Variants in AP5Z1 observed in about 807,000 individuals in gnomAD.
The protein encoded by AP5Z1 is adaptor related protein complex 5 subunit zeta 1, also known as AP-5 complex subunit zeta-1.
In AP5Z1, 106 loss-of-function variants were observed where a neutral mutation model predicts 83.0. That is an observed-to-expected ratio of 1.28 (90% confidence interval 1.09 to 1.50). The LOEUF is 1.50. AP5Z1 is among the 40% of genes most tolerant of loss of function. The pLI is 0.00. For missense variants in AP5Z1, 1,565 were observed against 1,094.2 expected, an observed-to-expected ratio of 1.43 and a Z score of -6.07; for synonymous variants, 751 against 514.1, an observed-to-expected ratio of 1.46 and a Z score of -6.23.
rs1365980715 is a variant in AP5Z1, at chr7:4,786,365, C to G, written c.1248C>G (p.Asp416Glu). The change falls in exon 10 of 17, where the codon GAC becomes GAG. Residue 416 changes from aspartate (D) to glutamate (E), a missense_variant. Physicochemically the swap from Asp to Glu is conservative, Grantham distance 45. Coordinates refer to ENST00000649063, the MANE Select transcript of AP5Z1 (RefSeq NM_014855.3). ...TTGAATTCATCCAGTTCTGCAGGGA[C>G]AACCTCCACCTGTTCAGCGGGCACC... ...LAFEFIQFCR[D>E]NLHLFSGHLS... 1 of 1,613,832 alleles carries G rather than the reference C, an allele frequency of 6.2e-7. No homozygotes were observed. Among genetic ancestry groups the G allele is most frequent in the African/African-American group, 1.3e-5 (1 of 74,930 alleles).
chr7:4,790,761 C>G lies in AP5Z1; in HGVS notation c.2027C>G (p.Ala676Gly), dbSNP rs746807899. ...QINKFFEALE[A>G]LLFEVTQCRP... ...AACAAGTTCTTCGAAGCCCTGGAGG[C>G]TCTGCTATTCGAGGTCACCCAGTGC... Residue 676 changes from alanine (A) to glycine (G), a missense_variant, in exon 16 of 17, where the codon GCT (alanine) becomes GGT (glycine). Physicochemically the swap from Ala to Gly is moderately conservative, Grantham distance 60. Coordinates refer to ENST00000649063, the MANE Select transcript of AP5Z1 (RefSeq NM_014855.3). 3 of 1,609,044 alleles carry G rather than the reference C, an allele frequency of 1.9e-6. No homozygotes were observed. Among genetic ancestry groups the G allele is most frequent in the Non-Finnish European group, 1.7e-6 (2 of 1,178,694 alleles).
Position 4,785,701 on chromosome 7 carries a change from G to T in AP5Z1, c.1132+17G>T. ...TGAGCCACGGTGAGCCCAGGGTGGG[G>T]TGGCGCTGACTCGGGGCTCTGCTTC... On this transcript the variant is annotated intron_variant, in intron 9 of 16. Coordinates refer to ENST00000649063, the MANE Select transcript of AP5Z1 (RefSeq NM_014855.3). 4.0e-6 allele frequency: 6 copies of T among 1,490,636 alleles called. No individual in the cohort carries two copies. Among genetic ancestry groups the T allele is most frequent in the Non-Finnish European group, 5.4e-6 (6 of 1,118,966 alleles). 92.3% of individuals were successfully genotyped at this position (1,490,636 alleles called of 1,614,324 possible).
Position 4,790,610 on chromosome 7 carries a change from T to C in AP5Z1, c.1938+19T>C, listed in dbSNP as rs748375279. ...CAGCGTGGTAAGGCGGGCGCTGGCC[T>C]CCCACAGCCGCTCCTGACCCAGGAG... On this transcript the variant is annotated intron_variant, in intron 15 of 16. Transcript: ENST00000649063. 1 of 1,612,004 alleles carries C rather than the reference T, an allele frequency of 6.2e-7. No individual in the cohort carries two copies.
rs1252273922 is a variant in AP5Z1, at chr7:4,775,656, C to T, written c.-60C>T. The T allele has an allele frequency of 1.4e-5, 23 of 1,600,222 alleles. No individual in the cohort carries two copies. The highest frequency in any genetic ancestry group is 6.7e-5 in the African/African-American group (5 of 74,850). On this transcript the variant is annotated 5_prime_UTR_variant, in exon 1 of 17. Transcript: ENST00000649063. ...CCCGGAAGTTGACCGGGGTGCGGAG[C>T]TCCTGGGCTGCAGCTCCTGGAGTTT...
rs1356623613 is a variant in AP5Z1, at chr7:4,792,123, G to A, written c.*738G>A. On this transcript the variant is annotated 3_prime_UTR_variant, in exon 17 of 17. Transcript: ENST00000649063. ...GGAGCTCAGAACACTGGATTCGCGC[G>A]AAGGGGAGGTGTCTGGGCGTGCGGC... is the stretch of plus-strand genomic sequence containing the variant. 1.3e-5 allele frequency: 2 copies of A among 152,248 alleles called. No homozygotes were observed. Among genetic ancestry groups the A allele is most frequent in the African/African-American group, 4.8e-5 (2 of 41,442 alleles). The allele number at this position is 152,248 out of a possible 1,614,324, so 9.4% of individuals were successfully genotyped here. A position where few individuals can be genotyped will look rare whatever the true frequency, so the allele number is the denominator to read the frequency against.
At position 4,792,938 on chromosome 7, in the gene AP5Z1, C is replaced by T. The variant is rs1781832446; in HGVS notation, c.*1553C>T. 6.3e-6 allele frequency: 1 copy of T among 158,990 alleles called. No homozygotes were observed. Among genetic ancestry groups the T allele is most frequent in the African/African-American group, 2.4e-5 (1 of 41,534 alleles). 9.8% of individuals were successfully genotyped at this position (158,990 alleles called of 1,614,324 possible). ...GCCCCTAGGCTCGGAATGAGTCTCC[C>T]ACTGAGTCCGCAGCTCCCCTCCTGC... On this transcript the variant is annotated 3_prime_UTR_variant, in exon 17 of 17. Transcript: ENST00000649063.
At chr7:4,788,040 C>T in intron 11 of AP5Z1, 114 bp from the exon 12 acceptor site, 1 of 1,415,068 alleles carries the variant, frequency 7.1e-7, no homozygotes, top group Non-Finnish European at 9.3e-7. Context: ...CAAGCCCTTC[C>T]TGGCACCCGA....
chr7:4,779,385 C>T (rs1244788863), intron 1 of AP5Z1, among the ~76,000 whole-genome samples: 1 of 145,524 alleles, frequency 6.9e-6, no homozygotes, highest in Non-Finnish European at 1.5e-5. Context: ...TGTCATATAA[C>T]ATGATTATTA....
At chr7:4,784,138 G>A in intron 5 of AP5Z1, 65 bp from the exon 6 acceptor site, 2 of 1,509,816 alleles carry the variant, frequency 1.3e-6, no homozygotes, top group East Asian at 2.5e-5. Context: ...AGGAGCTTGT[G>A]CTAAAGGCTG....
chr7:4,787,644 G>C lies in AP5Z1; in HGVS notation c.1322G>C (p.Trp441Ser). The C allele has an allele frequency of 6.4e-7, 1 of 1,552,492 alleles. No individual in the cohort carries two copies. Among genetic ancestry groups the C allele is most frequent in the South Asian group, 1.2e-5 (1 of 84,164 alleles). ...SFPNLFKFLA[W>S]NSPPLTSEFV... Reference sequence around the variant, plus strand: ...GTGCTGTGCCCACAGTTCCTGGCCTGGAACAGCCCACCCCTCACCTCCGAG... The same window carrying C: ...GTGCTGTGCCCACAGTTCCTGGCCTCGAACAGCCCACCCCTCACCTCCGAG... The change falls in exon 11 of 17, where the codon TGG becomes TCG. Residue 441 changes from tryptophan (W) to serine (S), a missense_variant. Coordinates refer to ENST00000649063, the MANE Select transcript of AP5Z1 (RefSeq NM_014855.3).
rs1355250845 is a variant in AP5Z1, at chr7:4,781,725, A to G, written c.337A>G (p.Ser113Gly). ...WDHTQNSRQL[S>G]LVASVLLAQG... is the part of the protein sequence containing the mutation. Reference sequence around the variant, plus strand: ...CCACACGCAGAACAGCCGGCAGCTGAGCCTGGTGGCCTCCGTTCTCTTGGC... The same window carrying G: ...CCACACGCAGAACAGCCGGCAGCTGGGCCTGGTGGCCTCCGTTCTCTTGGC... Residue 113 changes from serine (S) to glycine (G), a missense_variant, in exon 3 of 17, where the codon AGC becomes GGC. Ser to Gly is a moderately conservative substitution (Grantham distance 56). Coordinates refer to ENST00000649063, the MANE Select transcript of AP5Z1 (RefSeq NM_014855.3). 2 of 1,578,994 alleles carry G rather than the reference A, an allele frequency of 1.3e-6. No homozygotes were observed. The highest frequency in any genetic ancestry group is 2.3e-5 in the East Asian group (1 of 43,892).
intron 1 of AP5Z1, among the ~76,000 whole-genome samples, chr7:4,780,884 T>C (rs1156489613): frequency 1.3e-5 from 2 of 152,204 alleles, no homozygotes; most frequent in Admixed American, 6.5e-5. Flanking sequence ...CTAAAAAGAA[T>C]CGGTTTTAGT....
At chr7:4,778,831 CATT>C (rs1021415938) in intron 1 of AP5Z1, among the ~76,000 whole-genome samples, 17 of 135,302 alleles carry the variant, frequency 1.3e-4, no homozygotes, top group African/African-American at 4.6e-4. Context: ...TATTATATAT[CATT>C]ATATATAATA....
Position 4,785,537 on chromosome 7 carries a change from G to T in AP5Z1, c.985G>T (p.Val329Leu), listed in dbSNP as rs764235114. The change falls in exon 9 of 17, where the codon GTG becomes TTG. Residue 329 changes from valine (V) to leucine (L), a missense_variant. Transcript: ENST00000649063. ...TGTCCCGCAGTGCCTGGTGGAGGCC[G>T]TGCTGGTGCTGGACGTGCTGTGCCG... Reference protein sequence around the residue: ...DLQKACLVEAVLVLDVLCRQD... With the variant: ...DLQKACLVEALLVLDVLCRQD... 1.2e-6 allele frequency: 2 copies of T among 1,612,748 alleles called. No individual in the cohort carries two copies. Among genetic ancestry groups the T allele is most frequent in the South Asian group, 1.1e-5 (1 of 90,878 alleles).
intron 1 of AP5Z1, among the ~76,000 whole-genome samples, chr7:4,780,887 G>A (rs1214240248): frequency 6.6e-6 from 1 of 152,210 alleles, no homozygotes; most frequent in Non-Finnish European, 1.5e-5. Context: ...AAAAGAATCG[G>A]TTTTAGTCCT....
Position 4,781,193 on chromosome 7 carries a change from G to A in AP5Z1, c.60G>A (p.Glu20=). 6.2e-7 allele frequency: 1 copy of A among 1,613,726 alleles called. No individual in the cohort carries two copies. The highest frequency in any genetic ancestry group is 8.5e-7 in the Non-Finnish European group (1 of 1,179,606). Residue 20 remains glutamate (E), a synonymous_variant, in exon 2 of 17, where the codon GAG becomes GAA. Transcript: ENST00000649063. ...LHQAREIQDE[E]LKKFCSRICK... ...TGTTTAGGGAGATCCAGGACGAGGA[G>A]CTGAAGAAGTTCTGTTCCCGGATCT...
intron 14 of AP5Z1, 69 bp downstream of exon 14, chr7:4,789,998 C>T (rs1583240907): frequency 7.7e-6 from 5 of 653,152 alleles, no homozygotes; most frequent in Non-Finnish European, 4.3e-6. Flanking sequence ...CCTCTCCCCT[C>T]CCCCCTCCCC....
chr7:4,788,473 G>T, intron 12 of AP5Z1, 179 bp downstream of exon 12: 1 of 788,358 alleles, frequency 1.3e-6, no homozygotes, highest in Admixed American at 3.2e-5. Flanking sequence ...GTCTGCCGGG[G>T]GCGGGGCCTG....
chr7:4,787,193 G>A (rs1781574488), intron 10 of AP5Z1, among the ~76,000 whole-genome samples: 1 of 152,050 alleles, frequency 6.6e-6, no homozygotes, highest in Non-Finnish European at 1.5e-5. Context: ...TTGACCTGTT[G>A]GTACGAAAGT....
Sources: allele counts gnomAD v4.1 joint callset (sites outside exome capture counted in the v4.1 genomes callset), GRCh38; gene constraint gnomAD v4.1.1; transcripts MANE v1.5; gene names NCBI Gene and HGNC (gene_info 2026-07-23, HGNC 2026-07-21).